The following LDLRAD4 variants were observed in gnomAD, a reference collection of about 807,000 sequenced individuals.
The protein encoded by LDLRAD4 is low-density lipoprotein receptor class A domain-containing protein 4.
A neutral mutation model predicts 17.0 loss-of-function variants in LDLRAD4; 5 were observed. The ratio of observed to expected loss-of-function variants is 0.29; its 90% CI spans 0.15 to 0.62. LDLRAD4 has a LOEUF of 0.62. Among genes scored for constraint, LDLRAD4 ranks in the 20% least tolerant of loss-of-function variants. LDLRAD4 has a pLI of 0.84. For missense variants in LDLRAD4, 340 were observed against 424.7 expected (o/e 0.80, Z 1.75); for synonymous variants, 168 against 171.8 (o/e 0.98, Z 0.17).
intron 3 of LDLRAD4, among the ~76,000 whole-genome samples, chr18:13,580,967 T>C (rs1030008600): frequency 6.6e-6 from 1 of 152,228 alleles, no homozygotes; most frequent in Non-Finnish European, 1.5e-5. Context: ...TGTATACAGG[T>C]TGAGTGTCCT....
chr18:13,625,759 T>TGCCACCACCCTCCTCCCCCC (rs1466791803), intron 4 of LDLRAD4, among the ~76,000 whole-genome samples: 4 of 15,114 alleles, frequency 2.6e-4, no homozygotes, highest in Middle Eastern at 0.045. Flanking sequence ...CTCCTCCCCC[T>TGCCACCACCCTCCTCCCCCC]GCCACCACCC....
intron 3 of LDLRAD4, among the ~76,000 whole-genome samples, chr18:13,547,545 T>A (rs2094382581): frequency 6.6e-6 from 1 of 152,128 alleles, no homozygotes; most frequent in South Asian, 2.1e-4. Context: ...ATCCCACACC[T>A]GTCAAGGGCG....
chr18:13,396,950 A>G (rs760569539), intron 2 of LDLRAD4, among the ~76,000 whole-genome samples: 1 of 152,224 alleles, frequency 6.6e-6, no homozygotes, highest in East Asian at 1.9e-4. Context: ...GCCATATTGT[A>G]TTTTAAAGAA....
chr18:13,559,911 T>C (rs201083753), intron 3 of LDLRAD4, among the ~76,000 whole-genome samples: 1 of 11,176 alleles, frequency 8.9e-5, no homozygotes, highest in African/African-American at 2.0e-4. Context: ...TTGCTGCCCC[T>C]GACCAAGAAG....
chr18:13,573,768 A>G (rs1165103357), intron 3 of LDLRAD4, among the ~76,000 whole-genome samples: 1 of 152,156 alleles, frequency 6.6e-6, no homozygotes, highest in African/African-American at 2.4e-5. Context: ...AAACTCAGAG[A>G]ACAATCTGGG....
intron 1 of LDLRAD4, among the ~76,000 whole-genome samples, chr18:13,384,615 C>T (rs1224608828): frequency 6.6e-6 from 1 of 152,198 alleles, no homozygotes; most frequent in African/African-American, 2.4e-5. Flanking sequence ...TACCCTCCTT[C>T]TGTGAGATTG....
chr18:13,372,231 G>A (rs1257231028), intron 1 of LDLRAD4, among the ~76,000 whole-genome samples: 1 of 152,196 alleles, frequency 6.6e-6, no homozygotes, highest in Non-Finnish European at 1.5e-5. Flanking sequence ...CCACACCCCT[G>A]TGCACCTGTT....
chr18:13,443,557 T>G (rs1447084665), intron 3 of LDLRAD4, among the ~76,000 whole-genome samples: 1 of 152,236 alleles, frequency 6.6e-6, no homozygotes, highest in East Asian at 1.9e-4. Flanking sequence ...AACATGTGTT[T>G]CGGTTTGTTC....
At chr18:13,337,800 G>C (rs1156316022) in intron 1 of LDLRAD4, among the ~76,000 whole-genome samples, 2 of 151,170 alleles carry the variant, frequency 1.3e-5, no homozygotes, top group Non-Finnish European at 2.9e-5. Flanking sequence ...GTTTGAGGCT[G>C]CAGTTAGCTA....
intron 2 of LDLRAD4, among the ~76,000 whole-genome samples, chr18:13,435,617 T>G (rs186821506): frequency 1.2e-4 from 18 of 152,258 alleles, no homozygotes; most frequent in Non-Finnish European, 1.2e-4. Context: ...TGGCTAATTT[T>G]TAAACTTTTT....
upstream of LDLRAD4, among the ~76,000 whole-genome samples, chr18:13,275,374 G>A (rs1270826740): frequency 2.0e-5 from 3 of 152,316 alleles, no homozygotes; most frequent in African/African-American, 7.2e-5. Context: ...CAGTGCTGGA[G>A]AAGTTGTGTG....
intron 3 of LDLRAD4, among the ~76,000 whole-genome samples, chr18:13,600,515 T>C (rs1422420989): frequency 1.3e-5 from 2 of 152,244 alleles, no homozygotes; most frequent in Admixed American, 1.3e-4. Flanking sequence ...GTTCCAGGCA[T>C]AATGACAGCA....
chr18:13,278,893 G>A (rs2045065848), intron 1 of LDLRAD4, among the ~76,000 whole-genome samples: 1 of 152,196 alleles, frequency 6.6e-6, no homozygotes, highest in Non-Finnish European at 1.5e-5. Flanking sequence ...TGAAGCTCTT[G>A]GAGCATAACC....
intron 1 of LDLRAD4, among the ~76,000 whole-genome samples, chr18:13,246,632 T>A (rs1269339431): frequency 1.3e-5 from 2 of 151,832 alleles, no homozygotes; most frequent in African/African-American, 4.8e-5. Flanking sequence ...TGGGCAGGAG[T>A]CTGTAAGGAA....
intron 3 of LDLRAD4, among the ~76,000 whole-genome samples, chr18:13,447,915 A>T (rs1173109837): frequency 7.9e-5 from 12 of 152,220 alleles, no homozygotes. Context: ...AACTGGGGAA[A>T]GTCAGGGCAA....
intron 3 of LDLRAD4, among the ~76,000 whole-genome samples, chr18:13,455,683 A>C (rs916002661): frequency 9.2e-5 from 14 of 152,240 alleles, no homozygotes; most frequent in African/African-American, 3.4e-4. Context: ...AGAGCTGTGC[A>C]TCTGGCTTCC....
intron 2 of LDLRAD4, among the ~76,000 whole-genome samples, chr18:13,393,965 A>T (rs188677427): frequency 2.0e-5 from 3 of 152,310 alleles, no homozygotes; most frequent in Admixed American, 2.0e-4. Flanking sequence ...AGGTCCATGT[A>T]ATCTTTTGTG....
At chr18:13,652,183 G>A (rs944253867) in exon 6 of LDLRAD4, 6 of 152,148 alleles carry the variant, frequency 3.9e-5, no homozygotes, top group South Asian at 2.1e-4. Context: ...AGACTCAGAG[G>A]TACTAAAATT....
At chr18:13,581,331 CT>C (rs2094854208) in intron 3 of LDLRAD4, among the ~76,000 whole-genome samples, 1 of 152,166 alleles carries the variant, frequency 6.6e-6, no homozygotes, top group Non-Finnish European at 1.5e-5. Flanking sequence ...TAATACATTT[CT>C]GCTAGTTGTT....
Sources: allele counts gnomAD v4.1 joint callset (sites outside exome capture counted in the v4.1 genomes callset), GRCh38; gene constraint gnomAD v4.1.1; transcripts MANE v1.5; gene names NCBI Gene and HGNC (gene_info 2026-07-23, HGNC 2026-07-21).